CSMD1: variants seen among roughly 807,000 people sequenced by gnomAD.
The protein encoded by CSMD1 is CUB and Sushi multiple domains 1, also known as CUB and sushi domain-containing protein 1.
Under a neutral mutation model 417.5 loss-of-function variants are expected in CSMD1, and 213 were observed. The ratio of observed to expected loss-of-function variants is 0.51; its 90% CI spans 0.46 to 0.57. CSMD1 has a LOEUF of 0.57. Among genes scored for constraint, CSMD1 ranks in the 20% least tolerant of loss-of-function variants. CSMD1 has a pLI of 0.00. For synonymous variants in CSMD1, 2,862 were observed against 1,736.8 expected (o/e 1.65, Z -16.11); for missense variants, 6,923 against 4,529.7 (o/e 1.53, Z -15.17).
intron 2 of CSMD1, among the ~76,000 whole-genome samples, chr8:4,501,937 G>C (rs1046305265): frequency 3.3e-5 from 5 of 152,114 alleles, no homozygotes; most frequent in African/African-American, 1.2e-4. Context: ...TACCCCCCTA[G>C]AATAAGGGAG....
At chr8:3,899,421 T>C (rs1309388491) in intron 5 of CSMD1, among the ~76,000 whole-genome samples, 2 of 152,190 alleles carry the variant, frequency 1.3e-5, no homozygotes, top group Non-Finnish European at 2.9e-5. Context: ...TTCAACATGT[T>C]GGCCACAGGG....
chr8:4,432,285 T>A (rs1398587271), intron 2 of CSMD1, among the ~76,000 whole-genome samples: 1 of 152,134 alleles, frequency 6.6e-6, no homozygotes. Flanking sequence ...GTGTAGGTTT[T>A]TATGAGGCAA....
intron 1 of CSMD1, among the ~76,000 whole-genome samples, chr8:4,743,421 A>G (rs925228231): frequency 9.9e-5 from 15 of 152,160 alleles, no homozygotes; most frequent in African/African-American, 2.9e-4. Context: ...TTCAAAGCAA[A>G]AAATGAACGT....
Position 3,188,876 on chromosome 8 carries a change from C to CAAGG in CSMD1, c.5523+7_5523+10dup, listed in dbSNP as rs749199410. 1.9e-6 allele frequency: 3 copies of CAAGG among 1,552,496 alleles called. No individual in the cohort carries two copies. The highest frequency in any genetic ancestry group is 2.7e-5 in the African/African-American group (2 of 73,386). ...GAGCCCTGTTGTAGACTGTGGACTTCAAGGACTCACCTGAATTCCCGAGCC... is the reference window on the plus strand; with the variant it reads ...GAGCCCTGTTGTAGACTGTGGACTTCAAGGAAGGACTCACCTGAATTCCCGAGCC... On this transcript the variant is annotated intron_variant, in intron 35 of 69. Transcript: ENST00000635120.
intron 3 of CSMD1, among the ~76,000 whole-genome samples, chr8:4,181,689 T>C (rs138215114): frequency 2.0e-5 from 3 of 152,048 alleles, no homozygotes; most frequent in Admixed American, 1.3e-4. Context: ...AATTCATTTA[T>C]ACTTTTTTCA....
At position 3,939,838 on chromosome 8, in the gene CSMD1, T is replaced by C. The variant is rs117951751; in HGVS notation, c.818+58065A>G. Among the ~76,000 whole-genome samples, 642 of 152,128 alleles carry C rather than the reference T, an allele frequency of 4.2e-3. 3 individuals carry two copies. Among genetic ancestry groups the C allele is most frequent in the Non-Finnish European group, 7.4e-3 (501 of 68,004 alleles). On this transcript the variant is annotated intron_variant, in intron 5 of 69. Coordinates refer to ENST00000635120, the MANE Select transcript of CSMD1 (RefSeq NM_033225.6). ...TGAGGATGCGAAGGCATAATAATAA[T>C]ATAATGGACATTGGGTATTGGGAGA...
At chr8:3,611,151 G>A (rs1043025837) in intron 8 of CSMD1, among the ~76,000 whole-genome samples, 2 of 151,342 alleles carry the variant, frequency 1.3e-5, no homozygotes, top group African/African-American at 2.4e-5. Context: ...GTTAATGGCT[G>A]CAGCACACCA....
At chr8:3,254,876 A>C (rs947910605) in intron 26 of CSMD1, among the ~76,000 whole-genome samples, 4 of 152,042 alleles carry the variant, frequency 2.6e-5, no homozygotes. Flanking sequence ...CAACTTGTCA[A>C]AGTCATTCTC....
chr8:4,291,777 A>C (rs1464759564), intron 3 of CSMD1, among the ~76,000 whole-genome samples: 1 of 152,234 alleles, frequency 6.6e-6, no homozygotes, highest in Admixed American at 6.5e-5. Context: ...GCTACTTTTA[A>C]GAGCTAATAT....
At chr8:3,684,810 T>C (rs752135161) in intron 7 of CSMD1, among the ~76,000 whole-genome samples, 1 of 152,140 alleles carries the variant, frequency 6.6e-6, no homozygotes, top group African/African-American at 2.4e-5. Flanking sequence ...CTCCTTGCTA[T>C]AGATCATATT....
intron 6 of CSMD1, among the ~76,000 whole-genome samples, chr8:3,745,210 T>A (rs1055936087): frequency 6.6e-6 from 1 of 152,086 alleles, no homozygotes; most frequent in African/African-American, 2.4e-5. Flanking sequence ...TTTTTTGGGG[T>A]AGTAAATTGT....
chr8:3,722,978 T>G (rs756835041), intron 6 of CSMD1, among the ~76,000 whole-genome samples: 1 of 152,196 alleles, frequency 6.6e-6, no homozygotes, highest in Non-Finnish European at 1.5e-5. Context: ...AAGCAGCATT[T>G]TATCATTTCC....
intron 3 of CSMD1, among the ~76,000 whole-genome samples, chr8:4,318,713 C>CAA (rs33979970): frequency 2.6e-4 from 38 of 143,524 alleles, no homozygotes; most frequent in African/African-American, 4.4e-4. Context: ...TTTAAAATCT[C>CAA]AAAAAAAAAA....
intron 3 of CSMD1, among the ~76,000 whole-genome samples, chr8:4,123,942 A>G (rs1231087797): frequency 6.6e-6 from 1 of 152,204 alleles, no homozygotes; most frequent in Admixed American, 6.5e-5. Flanking sequence ...TTTGTCAATT[A>G]CAACTCAAAA....
chr8:4,445,698 G>A (rs1285062771), intron 2 of CSMD1, among the ~76,000 whole-genome samples: 1 of 152,090 alleles, frequency 6.6e-6, no homozygotes, highest in Non-Finnish European at 1.5e-5. Context: ...CCCACAACTT[G>A]GAAGGAATTT....
intron 1 of CSMD1, among the ~76,000 whole-genome samples, chr8:4,993,877 G>A (rs749342128): frequency 6.6e-6 from 1 of 152,080 alleles, no homozygotes; most frequent in East Asian, 1.9e-4. Flanking sequence ...CCCCCGTAGA[G>A]AGCCCGAACT....
chr8:4,193,232 G>C (rs535681773), intron 3 of CSMD1, among the ~76,000 whole-genome samples: 33 of 151,054 alleles, frequency 2.2e-4, no homozygotes, highest in Admixed American at 8.6e-4. Flanking sequence ...TGCCACAAAC[G>C]TAAAACCTTA....
At chr8:4,590,072 A>G (rs1381613584) in intron 2 of CSMD1, among the ~76,000 whole-genome samples, 3 of 152,222 alleles carry the variant, frequency 2.0e-5, no homozygotes. Flanking sequence ...TGGTGGTAAC[A>G]TGTATTTATG....
intron 3 of CSMD1, among the ~76,000 whole-genome samples, chr8:4,214,091 T>TA (rs1180817543): frequency 6.6e-6 from 1 of 152,132 alleles, no homozygotes. Context: ...TCCAGCATCT[T>TA]ACTCCCTCAA....
Sources: allele counts gnomAD v4.1 joint callset (sites outside exome capture counted in the v4.1 genomes callset), GRCh38; gene constraint gnomAD v4.1.1; transcripts MANE v1.5; gene names NCBI Gene and HGNC (gene_info 2026-07-23, HGNC 2026-07-21).